Variants in DLGAP1 observed in about 807,000 individuals in gnomAD.
DLGAP1 encodes DLG associated protein 1.
A neutral mutation model predicts 90.8 loss-of-function variants in DLGAP1; 11 were observed. That is an observed-to-expected ratio of 0.12 (90% CI 0.08 to 0.20). DLGAP1 has a LOEUF of 0.20. Ranked by LOEUF, DLGAP1 falls within the 10% of genes least tolerant of loss-of-function variation. DLGAP1 has a pLI of 1.00. For synonymous variants in DLGAP1, 558 were observed against 540.7 expected, an observed-to-expected ratio of 1.03 and a Z score of -0.44; for missense variants, 1,050 against 1,333.8, an observed-to-expected ratio of 0.79 and a Z score of 3.31.
At chr18:4,250,869 T>C (rs1226061379) in intron 1 of DLGAP1, among the ~76,000 whole-genome samples, 2 of 151,872 alleles carry the variant, frequency 1.3e-5, no homozygotes, top group Non-Finnish European at 2.9e-5. Context: ...CCCTAAAGTA[T>C]GAATTTAGGA....
intron 1 of DLGAP1, among the ~76,000 whole-genome samples, chr18:4,270,858 T>A (rs951894432): frequency 1.3e-5 from 2 of 152,252 alleles, no homozygotes; most frequent in African/African-American, 4.8e-5. Context: ...TGTTGACTTA[T>A]ACCTTAAGTC....
chr18:3,657,679 T>C (rs2059544302), intron 7 of DLGAP1, among the ~76,000 whole-genome samples: 1 of 150,826 alleles, frequency 6.6e-6, no homozygotes, highest in Non-Finnish European at 1.5e-5. Context: ...CTCGGCTCAC[T>C]GCAAGCTCCG....
In DLGAP1 at chr18:3,499,510, G is replaced by C. The variant is rs1451410559; in HGVS notation, c.2725-116C>G. ...TTTTTACCTAGGGGTGGTTAGTTCT[G>C]ATCTGCACACTGCATATCTACTTTT... On this transcript the variant is annotated intron_variant, in intron 12 of 12. Coordinates refer to ENST00000315677, the MANE Select transcript of DLGAP1 (RefSeq NM_004746.4). This position sits in a 1 kb window ranked among gnomAD's most constrained non-coding sequence, Gnocchi z 6.4. 5.9e-6 allele frequency: 6 copies of C among 1,023,716 alleles called. No individual in the cohort carries two copies. In the South Asian group the frequency reaches 9.7e-5, roughly 17 times the overall value. 63.4% of individuals were successfully genotyped at this position (1,023,716 alleles called of 1,614,324 possible).
At chr18:4,094,124 G>A (rs1480045813) in intron 2 of DLGAP1, among the ~76,000 whole-genome samples, 1 of 151,846 alleles carries the variant, frequency 6.6e-6, no homozygotes, top group East Asian at 1.9e-4. Flanking sequence ...GTCATCTACT[G>A]TAATGACTGG....
chr18:3,666,885 T>A (rs562927757), intron 7 of DLGAP1, among the ~76,000 whole-genome samples: 1 of 152,002 alleles, frequency 6.6e-6, no homozygotes, highest in South Asian at 2.1e-4. Context: ...GCCTCCGTAG[T>A]AGCTGCAACT....
intron 1 of DLGAP1, among the ~76,000 whole-genome samples, chr18:4,409,373 T>C (rs2082729275): frequency 1.3e-5 from 2 of 152,194 alleles, no homozygotes; most frequent in Non-Finnish European, 2.9e-5. Context: ...TAAGCAGTAA[T>C]ATGCTATCTG....
chr18:3,858,516 G>A (rs1276339030), intron 4 of DLGAP1, among the ~76,000 whole-genome samples: 5 of 142,802 alleles, frequency 3.5e-5, no homozygotes, highest in Admixed American at 7.1e-5. Context: ...ATATATACAC[G>A]TATATATATA....
chr18:4,264,187 T>C (rs983551797), intron 1 of DLGAP1, among the ~76,000 whole-genome samples: 1 of 152,194 alleles, frequency 6.6e-6, no homozygotes, highest in Non-Finnish European at 1.5e-5. Flanking sequence ...GAAATCCTTG[T>C]ATATTGAACT....
chr18:4,199,746 G>C (rs1453730726), intron 1 of DLGAP1, among the ~76,000 whole-genome samples: 1 of 152,142 alleles, frequency 6.6e-6, no homozygotes, highest in Non-Finnish European at 1.5e-5. Context: ...AAGGTGTTTT[G>C]CTTAATTCTT....
In DLGAP1 at chr18:4,076,164, G is replaced by C. The variant is rs147557231; in HGVS notation, c.-158-70963C>G. Among the ~76,000 whole-genome samples, 958 of 152,208 alleles carry C rather than the reference G, an allele frequency of 6.3e-3. 6 individuals carry two copies. The highest frequency in any genetic ancestry group is 0.024 in the Middle Eastern group (7 of 294). ...CAGCTCAGTTTAGTTTCCTCCCAATGTGCTGTTTTTCTTTTCTCCTTAAAA... is the reference window on the plus strand; with the variant it reads ...CAGCTCAGTTTAGTTTCCTCCCAATCTGCTGTTTTTCTTTTCTCCTTAAAA... On this transcript the variant is annotated intron_variant, in intron 2 of 12. Coordinates refer to ENST00000315677, the MANE Select transcript of DLGAP1 (RefSeq NM_004746.4).
chr18:4,404,184 T>C (rs1272793511), intron 1 of DLGAP1, among the ~76,000 whole-genome samples: 1 of 152,220 alleles, frequency 6.6e-6, no homozygotes, highest in Non-Finnish European at 1.5e-5. Context: ...TATAACCATA[T>C]GAGTATTTCA....
intron 9 of DLGAP1, among the ~76,000 whole-genome samples, chr18:3,544,180 A>G: frequency 6.6e-6 from 1 of 152,208 alleles, no homozygotes; most frequent in East Asian, 1.9e-4. Flanking sequence ...ACCTGAGGTC[A>G]GGAATTCAAG....
At chr18:3,583,132 CCTGA>C (rs2055627399) in intron 7 of DLGAP1, among the ~76,000 whole-genome samples, 2 of 146,260 alleles carry the variant, frequency 1.4e-5, no homozygotes, top group East Asian at 2.1e-4. Flanking sequence ...TGTCTTTCTG[CCTGA>C]CTGACCGACC....
At position 3,561,253 on chromosome 18, in the gene DLGAP1, T is replaced by TA. The variant is rs1222676731; in HGVS notation, c.2057+6236dup. On this transcript the variant is annotated intron_variant, in intron 9 of 12. Transcript: ENST00000315677. ...CAACATGGTGAAACACCGTCTCTACTAAAAAAAAAAAACAAAAAAAAAAAA... is the reference window on the plus strand; with the variant it reads ...CAACATGGTGAAACACCGTCTCTACTAAAAAAAAAAAAACAAAAAAAAAAAA... Among the ~76,000 whole-genome samples, 429 of 66,292 alleles carry TA rather than the reference T, an allele frequency of 6.5e-3. 11 individuals are homozygous for TA. Among genetic ancestry groups the TA allele is most frequent in the African/African-American group, 0.025 (346 of 13,892 alleles). 43.5% of individuals were successfully genotyped at this position (66,292 alleles called of 152,430 possible). A position where few individuals can be genotyped will look rare whatever the true frequency, so the allele number is the denominator to read the frequency against.
At chr18:3,592,182 G>A (rs1166961586) in intron 7 of DLGAP1, among the ~76,000 whole-genome samples, 1 of 152,218 alleles carries the variant, frequency 6.6e-6, no homozygotes, top group African/African-American at 2.4e-5. Context: ...AGGCTGTCTG[G>A]TAGCAATGAT....
At chr18:3,969,221 A>G (rs2073393605) in intron 3 of DLGAP1, among the ~76,000 whole-genome samples, 1 of 152,318 alleles carries the variant, frequency 6.6e-6, no homozygotes, top group East Asian at 1.9e-4. Context: ...TTTTACAGCA[A>G]TTCTATTAAA....
At chr18:3,582,785 A>C (rs1184865079) in intron 7 of DLGAP1, among the ~76,000 whole-genome samples, 1 of 152,106 alleles carries the variant, frequency 6.6e-6, no homozygotes, top group Admixed American at 6.6e-5. Context: ...TACACACGCC[A>C]TGGTAGCTGC....
chr18:3,892,852 C>T (rs1306293822), intron 3 of DLGAP1, among the ~76,000 whole-genome samples: 1 of 144,266 alleles, frequency 6.9e-6, no homozygotes, highest in East Asian at 2.0e-4. Flanking sequence ...TCAAATCTAA[C>T]CACTTTCTCC....
intron 12 of DLGAP1, among the ~76,000 whole-genome samples, chr18:3,500,184 C>A (rs145659947): frequency 6.6e-6 from 1 of 152,180 alleles, no homozygotes; most frequent in East Asian, 1.9e-4. Flanking sequence ...TGAAAGAGGT[C>A]ATTCCTCTTA....
Sources: gnomAD v4.1 joint callset for allele counts (sites outside exome capture counted in the v4.1 genomes callset) on GRCh38, gnomAD v4.1.1 for gene constraint, Gnocchi (gnomAD v3.1) non-coding constraint, MANE v1.5 for transcripts, NCBI Gene and HGNC (gene_info 2026-07-23, HGNC 2026-07-21) for gene names.